MEF2D: variants seen among roughly 807,000 people sequenced by gnomAD.
MEF2D encodes the protein myocyte-specific enhancer factor 2D.
In MEF2D, 10 loss-of-function variants were observed where a neutral mutation model predicts 59.3. That is an observed-to-expected ratio of 0.17 (90% CI 0.10 to 0.29). The LOEUF (loss-of-function observed/expected upper bound fraction) is 0.29. Ranked by LOEUF, MEF2D falls within the 10% of genes least tolerant of loss-of-function variation. The probability of loss-of-function intolerance (pLI) is 1.00; values close to 1 mark genes in which losing one functional copy is unlikely to be tolerated. For missense variants in MEF2D, 508 were observed against 699.4 expected (o/e 0.73, Z 3.09); for synonymous variants, 305 against 295.0 (o/e 1.03, Z -0.35).
At chr1:156,487,340 C>T (rs557241805) in intron 1 of MEF2D, among the ~76,000 whole-genome samples, 102 of 152,344 alleles carry the variant, frequency 6.7e-4, no homozygotes, top group African/African-American at 2.4e-3. Context: ...TAGCCCAAAG[C>T]ACTTTTTATA....
In MEF2D at chr1:156,478,812, G is replaced by A. The variant is rs377200771; in HGVS notation, c.664+478C>T. On this transcript the variant is annotated intron_variant, in intron 6 of 11. Coordinates refer to ENST00000348159, the MANE Select transcript of MEF2D (RefSeq NM_005920.4). ...CCCAAAGTGCTGGGTTTACAGGCGTGAGCCACCATGCCCGGCCTCTTCTGT... is the reference window on the plus strand; with the variant it reads ...CCCAAAGTGCTGGGTTTACAGGCGTAAGCCACCATGCCCGGCCTCTTCTGT... Among the ~76,000 whole-genome samples the A allele has an allele frequency of 9.9e-5, 15 of 151,894 alleles. No homozygotes were observed. The South Asian group carries it at 1.2e-3, about 13-fold the overall frequency.
At chr1:156,472,911 T>G (rs891757281) in intron 9 of MEF2D, among the ~76,000 whole-genome samples, 17 of 152,066 alleles carry the variant, frequency 1.1e-4, no homozygotes, top group Admixed American at 2.6e-4. Flanking sequence ...AGGGTTTCAC[T>G]GTGTTAGCCA....
chr1:156,496,395 T>A (rs1239521122), intron 1 of MEF2D, among the ~76,000 whole-genome samples: 1 of 151,814 alleles, frequency 6.6e-6, no homozygotes, highest in African/African-American at 2.4e-5. Flanking sequence ...GGACACACGG[T>A]CAGTGTGAGG....
In MEF2D at chr1:156,465,072, A is replaced by C. The variant is rs1670759335; in HGVS notation, c.*2573T>G. ...ACAAGATTACACCCTGGCTTCTTTCAAGCCCTGGATCGAGGCTCATCAGTT... is the reference window on the plus strand; with the variant it reads ...ACAAGATTACACCCTGGCTTCTTTCCAGCCCTGGATCGAGGCTCATCAGTT... On this transcript the variant is annotated 3_prime_UTR_variant, in exon 12 of 12. Transcript: ENST00000348159. The C allele has an allele frequency of 6.6e-6, 1 of 152,256 alleles. No individual in the cohort carries two copies. The highest frequency in any genetic ancestry group is 2.1e-4 in the South Asian group (1 of 4,836). 9.4% of individuals were successfully genotyped at this position (152,256 alleles called of 1,614,324 possible).
intron 1 of MEF2D, among the ~76,000 whole-genome samples, chr1:156,489,426 C>G (rs903865942): frequency 6.6e-6 from 1 of 152,022 alleles, no homozygotes; most frequent in African/African-American, 2.4e-5. Flanking sequence ...GACAGACACA[C>G]AGACACAGGA....
chr1:156,483,999 G>C (rs1327503860), intron 1 of MEF2D: 1 of 152,326 alleles, frequency 6.6e-6, no homozygotes, highest in Non-Finnish European at 1.5e-5. Flanking sequence ...CTGTAGTGGG[G>C]CTTGGGGTTG....
intron 1 of MEF2D, among the ~76,000 whole-genome samples, chr1:156,486,481 C>A (rs190622986): frequency 7.2e-5 from 11 of 152,192 alleles, no homozygotes; most frequent in Admixed American, 7.2e-4. Flanking sequence ...AACTGCTGAG[C>A]TCCTCTGGCT....
At position 156,467,572 on chromosome 1, in the gene MEF2D, G is replaced by A. The variant is rs574607089; in HGVS notation, c.*73C>T. On this transcript the variant is annotated 3_prime_UTR_variant, in exon 12 of 12. Transcript: ENST00000348159. ...AGTGGGGGTCGAGCGGGAGGAGCCC[G>A]GGGCAGGGAAGGGCGGGCGGTGAGA... 4.5e-5 allele frequency: 56 copies of A among 1,258,092 alleles called. No homozygotes were observed. Among genetic ancestry groups the A allele is most frequent in the African/African-American group, 2.4e-4 (16 of 65,348 alleles). 77.9% of individuals were successfully genotyped at this position (1,258,092 alleles called of 1,614,324 possible). A position where few individuals can be genotyped will look rare whatever the true frequency, so the allele number is the denominator to read the frequency against.
intron 1 of MEF2D, among the ~76,000 whole-genome samples, chr1:156,493,696 T>C (rs1322786581): frequency 1.3e-5 from 2 of 152,108 alleles, no homozygotes; most frequent in African/African-American, 2.4e-5. Flanking sequence ...CCCTCAGATT[T>C]TTGCCAGCAA....
chr1:156,495,263 C>T (rs764378494), intron 1 of MEF2D, among the ~76,000 whole-genome samples: 20 of 152,152 alleles, frequency 1.3e-4, no homozygotes, highest in Admixed American at 4.6e-4. Context: ...TCCATTGCCC[C>T]GTCCTGCAGG....
intron 6 of MEF2D, 111 bp downstream of exon 6, chr1:156,479,179 C>T: frequency 1.2e-6 from 1 of 866,072 alleles, no homozygotes; most frequent in Non-Finnish European, 1.7e-6. Context: ...CCAGTCCTGG[C>T]CCTGGGATCT....
chr1:156,468,323 G>A lies in MEF2D; in HGVS notation c.1248-24C>T, dbSNP rs771757676. 5.7e-4 allele frequency: 865 copies of A among 1,516,590 alleles called. No individual in the cohort carries two copies. Among genetic ancestry groups the A allele is most frequent in the Middle Eastern group, 9.0e-4 (4 of 4,438 alleles). 93.9% of individuals were successfully genotyped at this position (1,516,590 alleles called of 1,614,324 possible). On this transcript the variant is annotated intron_variant, in intron 10 of 11. Coordinates refer to ENST00000348159, the MANE Select transcript of MEF2D (RefSeq NM_005920.4). The surrounding 1 kb of genome is among the most constrained non-coding windows in gnomAD (Gnocchi z 4.3). ...GGCTGGAGGCAGGCAATGGAAATGG[G>A]GTACAAGGGATAAAAACAGAGGGGG...
Position 156,483,443 on chromosome 1 carries a change from G to A in MEF2D, c.-138-13C>T, listed in dbSNP as rs1672154086. On this transcript the variant is annotated splice_polypyrimidine_tract_variant and intron_variant, in intron 1 of 11. Transcript: ENST00000348159. ...TCTGCACAGCCTCCTGGAAAGGGAG[G>A]GTCATGAGAGGTCTCTGAGCCCCCA... 1 of 729,860 alleles carries A rather than the reference G, an allele frequency of 1.4e-6. No homozygotes were observed. Among genetic ancestry groups the A allele is most frequent in the South Asian group, 1.7e-5 (1 of 59,552 alleles). The allele number at this position is 729,860 out of a possible 1,614,324, so 45.2% of individuals were successfully genotyped here.
chr1:156,481,173 G>A (rs536188443), intron 3 of MEF2D, among the ~76,000 whole-genome samples: 1 of 152,340 alleles, frequency 6.6e-6, no homozygotes, highest in East Asian at 1.9e-4. Context: ...GGTGGGAGCT[G>A]TCGGAACACA....
chr1:156,488,108 A>G (rs1672490178), intron 1 of MEF2D, among the ~76,000 whole-genome samples: 1 of 152,204 alleles, frequency 6.6e-6, no homozygotes, highest in Admixed American at 6.5e-5. Context: ...GCTCTGGCTG[A>G]TTGACTCTGA....
rs758173418 is a variant in MEF2D, at chr1:156,467,631, G to A, written c.*14C>T. On this transcript the variant is annotated 3_prime_UTR_variant, in exon 12 of 12. Coordinates refer to ENST00000348159, the MANE Select transcript of MEF2D (RefSeq NM_005920.4). ...TCTTCATCAGGGAGGCTGAGAGGAG[G>A]GGAGTGGGAATCGTCACTTTAATGT... 8 of 1,321,834 alleles carry A rather than the reference G, an allele frequency of 6.1e-6. No individual in the cohort carries two copies. Among genetic ancestry groups the A allele is most frequent in the Non-Finnish European group, 6.8e-6 (7 of 1,026,788 alleles). The allele number at this position is 1,321,834 out of a possible 1,614,324, so 81.9% of individuals were successfully genotyped here. A position where few individuals can be genotyped will look rare whatever the true frequency, so the allele number is the denominator to read the frequency against.
At chr1:156,488,917 G>T (rs1571260875) in intron 1 of MEF2D, among the ~76,000 whole-genome samples, 1 of 152,046 alleles carries the variant, frequency 6.6e-6, no homozygotes. Flanking sequence ...CTTGGCAGGG[G>T]AGTACCTACC....
chr1:156,490,956 G>A (rs1430910274), intron 1 of MEF2D, among the ~76,000 whole-genome samples: 3 of 152,138 alleles, frequency 2.0e-5, no homozygotes, highest in Admixed American at 6.5e-5. Flanking sequence ...CAGCCTGTCC[G>A]CCAGGGTCCA....
chr1:156,480,775 C>T lies in MEF2D; in HGVS notation c.396+59G>A, dbSNP rs1383552733. ...CACATTCCCTGTGCTTCTTGTGCAG[C>T]GCCTGGGGGGAAGGGGCCGGAAGGG... On this transcript the variant is annotated intron_variant, in intron 4 of 11. Coordinates refer to ENST00000348159, the MANE Select transcript of MEF2D (RefSeq NM_005920.4). 1.1e-5 allele frequency: 18 copies of T among 1,602,634 alleles called. No homozygotes were observed. In the Middle Eastern group the frequency reaches 5.0e-4, roughly 45 times the overall value.
Sources: gnomAD v4.1 joint callset for allele counts (sites outside exome capture counted in the v4.1 genomes callset) on GRCh38, gnomAD v4.1.1 for gene constraint, Gnocchi (gnomAD v3.1) non-coding constraint, MANE v1.5 for transcripts, NCBI Gene and HGNC (gene_info 2026-07-23, HGNC 2026-07-21) for gene names.